The following FLI1 variants were observed in gnomAD, a reference collection of about 807,000 sequenced individuals.
FLI1 encodes the protein Fli-1 proto-oncogene, ETS transcription factor, also known as Friend leukemia integration 1 transcription factor.
Under a neutral mutation model 53.1 loss-of-function variants are expected in FLI1, and 13 were observed. The observed-to-expected ratio is 0.24, with a 90% CI of 0.16 to 0.39. The LOEUF (loss-of-function observed/expected upper bound fraction) is 0.39, where lower values mean the gene tolerates loss of function less well. FLI1 is among the 10% of genes least tolerant of loss of function. The pLI, the probability that FLI1 is intolerant of heterozygous loss-of-function variation, is 1.00. For missense variants in FLI1, 424 were observed against 600.5 expected, an observed-to-expected ratio of 0.71 and a Z score of 3.07; for synonymous variants, 244 against 236.7, an observed-to-expected ratio of 1.03 and a Z score of -0.28.
chr11:128,748,410 G>A (rs1201624802), intron 1 of FLI1: 5 of 211,694 alleles, frequency 2.4e-5, no homozygotes, highest in African/African-American at 2.4e-5. Context: ...TTGGGAGGCC[G>A]AGGCAGGTGG....
chr11:128,802,879 T>C (rs1373439177), intron 5 of FLI1, among the ~76,000 whole-genome samples: 29 of 152,248 alleles, frequency 1.9e-4, no homozygotes. Flanking sequence ...ATGCCTGCTC[T>C]GTCCCTGGAA....
chr11:128,694,115 G>A lies in FLI1; in HGVS notation c.-144G>A. 1.4e-6 allele frequency: 1 copy of A among 729,984 alleles called. No individual in the cohort carries two copies. Among genetic ancestry groups the A allele is most frequent in the Non-Finnish European group, 2.1e-6 (1 of 477,802 alleles). 45.2% of individuals were successfully genotyped at this position (729,984 alleles called of 1,614,324 possible). A position where few individuals can be genotyped will look rare whatever the true frequency, so the allele number is the denominator to read the frequency against. Reference sequence around the variant, plus strand: ...ACAACAAACGTGCACAGGGGAGTGAGGGCAGGGCGCTCGCAGGGGGCACGC... The same window carrying A: ...ACAACAAACGTGCACAGGGGAGTGAAGGCAGGGCGCTCGCAGGGGGCACGC... On this transcript the variant is annotated 5_prime_UTR_variant, in exon 1 of 9. Transcript: ENST00000527786.
intron 1 of FLI1, among the ~76,000 whole-genome samples, chr11:128,736,139 G>A (rs1000420035): frequency 1.3e-5 from 2 of 152,138 alleles, no homozygotes; most frequent in African/African-American, 4.8e-5. Flanking sequence ...TACTAGAGCT[G>A]AACATTCAAC....
rs759626716 is a variant in FLI1 at position 128,758,180 on chromosome 11, T to C, written c.84T>C (p.His28=). 8.1e-6 allele frequency: 13 copies of C among 1,612,894 alleles called. No homozygotes were observed. The East Asian group carries it at 2.7e-4, about 33-fold the overall frequency. The change falls in exon 2 of 9, where the codon CAT becomes CAC. Residue 28 remains histidine, a synonymous_variant. Coordinates refer to ENST00000527786, the MANE Select transcript of FLI1 (RefSeq NM_002017.5). ...ACTCAGCGTACGGAGCGGCAGCCCATCTCCCCAAGGCCGACATGACTGCCT... is the reference window on the plus strand; with the variant it reads ...ACTCAGCGTACGGAGCGGCAGCCCACCTCCCCAAGGCCGACATGACTGCCT... The part of the protein sequence containing the change: ...LFDSAYGAAA[H]LPKADMTASG...
At chr11:128,706,870 CAACAA>C (rs1248802343) in intron 1 of FLI1, among the ~76,000 whole-genome samples, 4 of 152,124 alleles carry the variant, frequency 2.6e-5, no homozygotes, top group African/African-American at 9.7e-5. Flanking sequence ...AGAGGGTAAA[CAACAA>C]AACAAATGTA....
chr11:128,700,367 G>A (rs776190628), intron 1 of FLI1, among the ~76,000 whole-genome samples: 2 of 152,202 alleles, frequency 1.3e-5, no homozygotes, highest in Non-Finnish European at 2.9e-5. Flanking sequence ...CCTGATTCCT[G>A]CTTTTACTAC....
Position 128,751,619 on chromosome 11 carries a change from C to G in FLI1, c.19-6496C>G, listed in dbSNP as rs543767536. The stretch of plus-strand genomic sequence containing the variant: ...TCGGCTCACTGCAAGCTCTGCCTCC[C>G]GGGTTCACGCCATTCTCCCACCTCA... On this transcript the variant is annotated intron_variant, in intron 1 of 8. Coordinates refer to ENST00000527786, the MANE Select transcript of FLI1 (RefSeq NM_002017.5). 1.2e-3 allele frequency among the ~76,000 whole-genome samples: 182 copies of G among 151,474 alleles called. 1 individual carries two copies. Among genetic ancestry groups the G allele is most frequent in the African/African-American group, 4.0e-3 (164 of 41,268 alleles).
Position 128,807,203 on chromosome 11 carries a change from A to G in FLI1, c.745A>G (p.Thr249Ala). The G allele has an allele frequency of 6.2e-7, 1 of 1,600,620 alleles. No individual in the cohort carries two copies. The highest frequency in any genetic ancestry group is 8.5e-7 in the Non-Finnish European group (1 of 1,173,186). The part of the protein sequence containing the change: ...NKSPPLGGAQ[T>A]ISKNTEQRPQ... ...AGGTCCTCCCCTTGGAGGGGCACAA[A>G]CGATCAGTAAGAATACAGAGCAACG... is the stretch of plus-strand genomic sequence containing the variant. Residue 249 changes from threonine to alanine, a missense_variant, in exon 7 of 9, where the codon ACG becomes GCG. Thr to Ala is a moderately conservative substitution (Grantham distance 58, BLOSUM62 0). This residue lies in a region of FLI1 where 114 missense variants were observed against 117.9 expected (regional missense o/e 0.97). Transcript: ENST00000527786.
At chr11:128,791,056 C>G (rs897197023) in intron 5 of FLI1, among the ~76,000 whole-genome samples, 1 of 152,030 alleles carries the variant, frequency 6.6e-6, no homozygotes, top group Non-Finnish European at 1.5e-5. Flanking sequence ...CCACCATAAC[C>G]TGAGGGACTG....
chr11:128,756,418 C>T (rs1940861713), intron 1 of FLI1, among the ~76,000 whole-genome samples: 2 of 152,174 alleles, frequency 1.3e-5, no homozygotes, highest in African/African-American at 4.8e-5. Context: ...TTAGAACCCA[C>T]CCTATCAGCC....
chr11:128,731,466 A>G (rs1939695131), intron 1 of FLI1, among the ~76,000 whole-genome samples: 1 of 120,052 alleles, frequency 8.3e-6, no homozygotes, highest in African/African-American at 3.4e-5. Flanking sequence ...GGTGGTTAAC[A>G]AATTGAGCAG....
chr11:128,703,649 C>T (rs532120884), intron 1 of FLI1, among the ~76,000 whole-genome samples: 2 of 152,114 alleles, frequency 1.3e-5, no homozygotes, highest in Non-Finnish European at 2.9e-5. Context: ...TTGAGACCAT[C>T]CTGGCCAACA....
rs1008271667 is a variant in FLI1, at chr11:128,781,439, G to C, written c.590-519G>C. 4.6e-5 allele frequency among the ~76,000 whole-genome samples: 7 copies of C among 152,318 alleles called. No homozygotes were observed. In the East Asian group the frequency reaches 1.2e-3, roughly 25 times the overall value. On this transcript the variant is annotated intron_variant, in intron 4 of 8. Coordinates refer to ENST00000527786, the MANE Select transcript of FLI1 (RefSeq NM_002017.5). ...ATGGACAAAGCAAAACAAAAACTAAGAAGACTGTGCAACAGAGATTGTAGT... is the reference window on the plus strand; with the variant it reads ...ATGGACAAAGCAAAACAAAAACTAACAAGACTGTGCAACAGAGATTGTAGT...
At chr11:128,762,614 A>G (rs1179122725) in intron 2 of FLI1, among the ~76,000 whole-genome samples, 2 of 152,196 alleles carry the variant, frequency 1.3e-5, no homozygotes, top group Non-Finnish European at 2.9e-5. Flanking sequence ...ATTAAAATTC[A>G]TTTCATCGTT....
At chr11:128,726,733 C>T (rs1031126122) in intron 1 of FLI1, among the ~76,000 whole-genome samples, 1 of 152,196 alleles carries the variant, frequency 6.6e-6, no homozygotes, top group African/African-American at 2.4e-5. Context: ...TCTTGGGGTG[C>T]TTTGCCCATA....
intron 1 of FLI1, among the ~76,000 whole-genome samples, chr11:128,740,262 C>T (rs1173482304): frequency 6.6e-6 from 1 of 152,204 alleles, no homozygotes; most frequent in East Asian, 1.9e-4. Flanking sequence ...CTCCAGGGAC[C>T]CACACGGGCC....
intron 5 of FLI1, among the ~76,000 whole-genome samples, chr11:128,799,037 A>ATTT (rs201505573): frequency 3.2e-4 from 42 of 130,770 alleles, no homozygotes; most frequent in East Asian, 6.3e-4. Context: ...TATTATTATT[A>ATTT]TTATTATTAT....
intron 3 of FLI1, among the ~76,000 whole-genome samples, chr11:128,772,514 T>C (rs1782813929): frequency 6.6e-6 from 1 of 152,194 alleles, no homozygotes; most frequent in Admixed American, 6.5e-5. Context: ...CAGGCAAAGG[T>C]TCCAACTGCT....
intron 5 of FLI1, among the ~76,000 whole-genome samples, chr11:128,797,563 G>A (rs977606438): frequency 3.9e-5 from 6 of 152,094 alleles, no homozygotes; most frequent in South Asian, 4.1e-4. Context: ...AGCATTCATC[G>A]CCTTCTAATA....
Sources: allele counts gnomAD v4.1 joint callset (sites outside exome capture counted in the v4.1 genomes callset), GRCh38; gene constraint gnomAD v4.1.1; regional missense constraint gnomAD v4.1.1; transcripts MANE v1.5; gene names NCBI Gene and HGNC (gene_info 2026-07-23, HGNC 2026-07-21).